The following PSD3 variants were observed in gnomAD, a reference collection of about 807,000 sequenced individuals.
PSD3 encodes pleckstrin and Sec7 domain containing 3.
A neutral mutation model predicts 105.5 loss-of-function variants in PSD3; 49 were observed. The ratio of observed to expected loss-of-function variants is 0.46; its 90% CI spans 0.37 to 0.59. The LOEUF (loss-of-function observed/expected upper bound fraction) is 0.59, where lower values mean the gene tolerates loss of function less well. Ranked by LOEUF, PSD3 falls within the 20% of genes least tolerant of loss-of-function variation. The pLI, the probability that PSD3 is intolerant of heterozygous loss-of-function variation, is 0.00. For synonymous variants in PSD3, 557 were observed against 457.8 expected (o/e 1.22, Z -2.77); for missense variants, 1,561 against 1,263.8 (o/e 1.24, Z -3.57).
At chr8:18,987,012 C>CA (rs915741922) in intron 1 of PSD3, among the ~76,000 whole-genome samples, 1 of 151,882 alleles carries the variant, frequency 6.6e-6, no homozygotes, top group Non-Finnish European at 1.5e-5. Context: ...GATCTTTTCA[C>CA]AAAAAAAATT....
intron 4 of PSD3, among the ~76,000 whole-genome samples, chr8:18,834,309 A>T (rs936735411): frequency 3.3e-5 from 5 of 152,242 alleles, no homozygotes; most frequent in African/African-American, 1.2e-4. Context: ...TGATAAATGG[A>T]TAGAAAAACA....
At chr8:18,656,134 T>G (rs1808875532) in intron 9 of PSD3, among the ~76,000 whole-genome samples, 1 of 152,226 alleles carries the variant, frequency 6.6e-6, no homozygotes, top group Non-Finnish European at 1.5e-5. Context: ...CTTGGCTCAC[T>G]GCAACCTCTG....
At chr8:19,047,835 G>A (rs1008232582) in intron 1 of PSD3, among the ~76,000 whole-genome samples, 3 of 152,140 alleles carry the variant, frequency 2.0e-5, no homozygotes, top group Admixed American at 6.5e-5. Flanking sequence ...ACACTGCACG[G>A]GAGCCTGTTG....
chr8:18,582,358 A>G (rs920284369), intron 12 of PSD3, among the ~76,000 whole-genome samples: 1 of 152,042 alleles, frequency 6.6e-6, no homozygotes, highest in South Asian at 2.1e-4. Flanking sequence ...GACAGGACAC[A>G]TTTCAAACAT....
chr8:18,846,474 G>A (rs994353734), intron 4 of PSD3, among the ~76,000 whole-genome samples: 1 of 152,072 alleles, frequency 6.6e-6, no homozygotes, highest in African/African-American at 2.4e-5. Flanking sequence ...GAAGGTACAG[G>A]GGTTCGAAGG....
intron 9 of PSD3, among the ~76,000 whole-genome samples, chr8:18,748,626 C>G (rs544213580): frequency 2.0e-5 from 3 of 147,054 alleles, no homozygotes; most frequent in African/African-American, 7.6e-5. Context: ...CGCCACTGCA[C>G]TCCAGCCTGG....
chr8:18,717,718 G>A (rs1802691977), intron 9 of PSD3, among the ~76,000 whole-genome samples: 1 of 152,184 alleles, frequency 6.6e-6, no homozygotes, highest in Admixed American at 6.5e-5. Context: ...TTTTGACTCA[G>A]TTAGAAAGAT....
At chr8:18,805,927 T>C (rs1811155089) in intron 4 of PSD3, among the ~76,000 whole-genome samples, 1 of 152,178 alleles carries the variant, frequency 6.6e-6, no homozygotes, top group Admixed American at 6.5e-5. Context: ...CCAATAACCA[T>C]AGTTTGTCAG....
At chr8:18,778,120 C>A (rs531183046) in intron 8 of PSD3, among the ~76,000 whole-genome samples, 3 of 152,310 alleles carry the variant, frequency 2.0e-5, no homozygotes, top group African/African-American at 7.2e-5. Context: ...CCCTATAACT[C>A]TGACATTAAT....
intron 1 of PSD3, among the ~76,000 whole-genome samples, chr8:19,027,601 A>T (rs543814853): frequency 1.1e-4 from 17 of 152,266 alleles, no homozygotes; most frequent in Admixed American, 3.3e-4. Flanking sequence ...CAGCAATCCC[A>T]TCCCTGTGGA....
chr8:18,905,186 C>A (rs184241440), intron 2 of PSD3, among the ~76,000 whole-genome samples: 7 of 152,140 alleles, frequency 4.6e-5, no homozygotes, highest in African/African-American at 1.2e-4. Flanking sequence ...CAGCATCCCC[C>A]CTAAGTTACA....
At chr8:18,746,206 T>C (rs561056449) in intron 9 of PSD3, among the ~76,000 whole-genome samples, 7 of 152,290 alleles carry the variant, frequency 4.6e-5, no homozygotes, top group East Asian at 1.9e-4. Context: ...CTGCCCACCT[T>C]TGAGTGGTGT....
chr8:18,775,217 T>G (rs183209585), intron 8 of PSD3, among the ~76,000 whole-genome samples: 204 of 152,330 alleles, frequency 1.3e-3, no homozygotes, highest in African/African-American at 4.8e-3. Flanking sequence ...CCGAGTAATA[T>G]TCCACTTATA....
At chr8:18,575,319 A>G in intron 12 of PSD3, 34 bp from the exon 13 acceptor site, 1 of 1,520,842 alleles carries the variant, frequency 6.6e-7, no homozygotes, top group Non-Finnish European at 8.8e-7. Flanking sequence ...AAAGGCAAAA[A>G]TCACGATCAG....
chr8:18,797,985 A>G (rs534301677), intron 8 of PSD3, among the ~76,000 whole-genome samples: 3 of 152,286 alleles, frequency 2.0e-5, no homozygotes, highest in Admixed American at 2.0e-4. Context: ...GGGTGCAAAG[A>G]GCAACTGTTA....
At chr8:18,716,357 G>A (rs1802596819) in intron 9 of PSD3, among the ~76,000 whole-genome samples, 1 of 152,120 alleles carries the variant, frequency 6.6e-6, no homozygotes, top group Admixed American at 6.5e-5. Flanking sequence ...TACCTTTCCG[G>A]GCTCTGCAGT....
At chr8:18,881,559 T>G (rs930397937) in intron 2 of PSD3, among the ~76,000 whole-genome samples, 2 of 152,268 alleles carry the variant, frequency 1.3e-5, no homozygotes, top group East Asian at 1.9e-4. Flanking sequence ...AAGCTGAAAT[T>G]TGAACCAGAT....
chr8:18,689,881 C>T (rs1047985058), intron 9 of PSD3, among the ~76,000 whole-genome samples: 3 of 152,336 alleles, frequency 2.0e-5, no homozygotes, highest in African/African-American at 7.2e-5. Flanking sequence ...TCAATCTCTT[C>T]ATTCTATAGA....
intron 12 of PSD3, among the ~76,000 whole-genome samples, chr8:18,576,889 CTTTT>C (rs71217384): frequency 6.8e-6 from 1 of 146,226 alleles, no homozygotes. Context: ...TTTGTGTGTA[CTTTT>C]TTTTTTTTTA....
Sources: allele counts gnomAD v4.1 joint callset (sites outside exome capture counted in the v4.1 genomes callset), GRCh38; gene constraint gnomAD v4.1.1; transcripts MANE v1.5; gene names NCBI Gene and HGNC (gene_info 2026-07-23, HGNC 2026-07-21).